Variants in GRID2 observed in about 807,000 individuals in gnomAD.
GRID2 encodes glutamate ionotropic receptor delta type subunit 2, also known as glutamate receptor ionotropic, delta-2.
GRID2 carries 33 observed loss-of-function variants against 114.8 expected under a neutral mutation model. The ratio of observed to expected loss-of-function variants is 0.29; its 90% CI spans 0.22 to 0.38. The LOEUF (loss-of-function observed/expected upper bound fraction) is 0.38, where lower values mean the gene tolerates loss of function less well. Ranked by LOEUF, GRID2 falls within the 10% of genes least tolerant of loss-of-function variation. The pLI is 1.00. For synonymous variants in GRID2, 505 were observed against 449.9 expected, an observed-to-expected ratio of 1.12 and a Z score of -1.55; for missense variants, 1,184 against 1,257.7, an observed-to-expected ratio of 0.94 and a Z score of 0.89.
rs1369473376 is a variant in GRID2, at chr4:92,874,110, G to A, written c.245-210885G>A. ...AGAAAGGAGCAGGAACTGATAAAGGGACCCTTCTCACTTGGAAACCCTCAA... is the reference window on the plus strand; with the variant it reads ...AGAAAGGAGCAGGAACTGATAAAGGAACCCTTCTCACTTGGAAACCCTCAA... On this transcript the variant is annotated intron_variant, in intron 2 of 15. Transcript: ENST00000282020. Among the ~76,000 whole-genome samples the A allele has an allele frequency of 2.0e-5, 3 of 152,104 alleles. No individual in the cohort carries two copies. The East Asian group carries it at 5.8e-4, about 29-fold the overall frequency.
chr4:92,720,039 T>C lies in GRID2; in HGVS notation c.244+129753T>C, dbSNP rs115677924. Among the ~76,000 whole-genome samples the C allele has an allele frequency of 3.4e-3, 517 of 152,214 alleles. 1 individual carries two copies. The highest frequency in any genetic ancestry group is 5.5e-3 in the Non-Finnish European group (371 of 67,986). ...AATTAAGTGATAACATAAATACATA[T>C]ATTAAGAATTGATTCTTCAGCTTTC... On this transcript the variant is annotated intron_variant, in intron 2 of 15. Transcript: ENST00000282020.
At chr4:93,749,989 T>C (rs1271041632) in intron 14 of GRID2, among the ~76,000 whole-genome samples, 1 of 152,224 alleles carries the variant, frequency 6.6e-6, no homozygotes, top group Admixed American at 6.5e-5. Context: ...GCTCAATAAA[T>C]GTGAGACATG....
chr4:92,370,693 T>A lies in GRID2; in HGVS notation c.88+65949T>A, dbSNP rs78233099. Among the ~76,000 whole-genome samples the A allele has an allele frequency of 7.2e-5, 11 of 152,246 alleles. No individual in the cohort carries two copies. In the East Asian group the frequency reaches 1.9e-3, roughly 27 times the overall value. ...ACATCTTTCATTTTCAATCAAAAGCTAAAAGAGAGTAAGCTTAGTGAGGAA... is the reference window on the plus strand; with the variant it reads ...ACATCTTTCATTTTCAATCAAAAGCAAAAAGAGAGTAAGCTTAGTGAGGAA... On this transcript the variant is annotated intron_variant, in intron 1 of 15. Coordinates refer to ENST00000282020, the MANE Select transcript of GRID2 (RefSeq NM_001510.4).
intron 2 of GRID2, among the ~76,000 whole-genome samples, chr4:92,876,592 A>C (rs1330906511): frequency 1.3e-5 from 2 of 152,194 alleles, no homozygotes; most frequent in African/African-American, 4.8e-5. Flanking sequence ...GGCGTGAGCC[A>C]CCGCACCCGG....
At position 93,001,659 on chromosome 4, in the gene GRID2, A is replaced by G. The variant is rs138320709; in HGVS notation, c.245-83336A>G. Among the ~76,000 whole-genome samples, 558 of 151,858 alleles carry G rather than the reference A, an allele frequency of 3.7e-3. 5 individuals carry two copies. The highest frequency in any genetic ancestry group is 5.2e-3 in the Non-Finnish European group (351 of 67,734). On this transcript the variant is annotated intron_variant, in intron 2 of 15. Coordinates refer to ENST00000282020, the MANE Select transcript of GRID2 (RefSeq NM_001510.4). ...TTGTATTGAAACATTTAATATCCAA[A>G]TGAATGATGGTCATGGGTTAAAGGA... is the stretch of plus-strand genomic sequence containing the variant.
intron 1 of GRID2, among the ~76,000 whole-genome samples, chr4:92,473,821 T>A (rs1722158661): frequency 6.6e-6 from 1 of 151,952 alleles, no homozygotes; most frequent in Non-Finnish European, 1.5e-5. Flanking sequence ...GTGTTTAAGT[T>A]TTTCAGCTTT....
chr4:92,568,405 G>A (rs371301013), intron 1 of GRID2, among the ~76,000 whole-genome samples: 1 of 151,914 alleles, frequency 6.6e-6, no homozygotes, highest in Admixed American at 6.6e-5. Flanking sequence ...ACAATCTTTT[G>A]TCTCCCCATG....
intron 4 of GRID2, among the ~76,000 whole-genome samples, chr4:93,114,351 C>T (rs1733043074): frequency 6.6e-6 from 1 of 152,150 alleles, no homozygotes; most frequent in African/African-American, 2.4e-5. Context: ...CCTTGTCCCC[C>T]AACCTTGACC....
intron 11 of GRID2, among the ~76,000 whole-genome samples, chr4:93,460,382 A>G (rs952643164): frequency 6.6e-6 from 1 of 152,090 alleles, no homozygotes; most frequent in East Asian, 1.9e-4. Context: ...TGCTCTTTCC[A>G]ATTCCTTGAG....
chr4:93,001,478 GA>G (rs1458108172), intron 2 of GRID2, among the ~76,000 whole-genome samples: 1 of 151,668 alleles, frequency 6.6e-6, no homozygotes, highest in Non-Finnish European at 1.5e-5. Context: ...CTATCTGCTA[GA>G]ACTTGCTACT....
chr4:93,064,345 T>C (rs1413100348), intron 2 of GRID2, among the ~76,000 whole-genome samples: 3 of 151,756 alleles, frequency 2.0e-5, no homozygotes, highest in Non-Finnish European at 4.4e-5. Flanking sequence ...GACCTACTGC[T>C]TGGAGCTTTG....
intron 2 of GRID2, among the ~76,000 whole-genome samples, chr4:92,740,832 C>T (rs1040403448): frequency 7.2e-5 from 11 of 152,052 alleles, no homozygotes; most frequent in East Asian, 1.9e-4. Context: ...CTGCAACCTC[C>T]GCCTCCTGGG....
intron 8 of GRID2, among the ~76,000 whole-genome samples, chr4:93,281,873 A>G (rs912995331): frequency 6.6e-6 from 1 of 152,032 alleles, no homozygotes; most frequent in Non-Finnish European, 1.5e-5. Context: ...ACAACCCTCT[A>G]GAAAATTAAC....
intron 2 of GRID2, among the ~76,000 whole-genome samples, chr4:92,849,548 GC>G (rs1298849079): frequency 6.6e-6 from 1 of 151,830 alleles, no homozygotes; most frequent in African/African-American, 2.4e-5. Flanking sequence ...AAACAGTTGT[GC>G]TTTTCTTTGA....
rs531383155 is a variant in GRID2 at position 93,408,571 on chromosome 4, C to A, written c.1347+12863C>A. ...CTCCGTTTAATTTTTTATATATGTG[C>A]TAATAATTAATTCAGTACTACAGTC... is the stretch of plus-strand genomic sequence containing the variant. On this transcript the variant is annotated intron_variant, in intron 9 of 15. Transcript: ENST00000282020. Among the ~76,000 whole-genome samples, 60 of 152,064 alleles carry A rather than the reference C, an allele frequency of 3.9e-4. 2 individuals carry two copies. The South Asian group carries it at 0.012, about 31-fold the overall frequency.
chr4:92,956,829 G>T lies in GRID2; in HGVS notation c.245-128166G>T, dbSNP rs753555865. On this transcript the variant is annotated intron_variant, in intron 2 of 15. Coordinates refer to ENST00000282020, the MANE Select transcript of GRID2 (RefSeq NM_001510.4). Reference sequence around the variant, plus strand: ...CTCCCCAGCATTTGGTATTATCAGCGTTCTGGATTTGGCTATTCTAATAGG... The same window carrying T: ...CTCCCCAGCATTTGGTATTATCAGCTTTCTGGATTTGGCTATTCTAATAGG... 2.6e-5 allele frequency among the ~76,000 whole-genome samples: 4 copies of T among 152,104 alleles called. No homozygotes were observed. In the East Asian group the frequency reaches 7.7e-4, roughly 29 times the overall value.
In GRID2 at chr4:93,224,640, G is replaced by A. The variant is rs750295354; in HGVS notation, c.990G>A (p.Thr330=). Residue 330 remains threonine, a synonymous_variant, in exon 7 of 16, where the codon ACG becomes ACA. Transcript: ENST00000282020. ...MEISNLYIYD[T]VLLLANAFHK... is the part of the protein sequence containing the mutation. ...TTTCCAACCTTTACATATATGACACGGTGCTTCTGCTTGCTAATGCTTTTC... is the reference window on the plus strand; with the variant it reads ...TTTCCAACCTTTACATATATGACACAGTGCTTCTGCTTGCTAATGCTTTTC... 11 of 1,610,360 alleles carry A rather than the reference G, an allele frequency of 6.8e-6. No individual in the cohort carries two copies. Among genetic ancestry groups the A allele is most frequent in the East Asian group, 6.7e-5 (3 of 44,814 alleles).
intron 2 of GRID2, among the ~76,000 whole-genome samples, chr4:92,984,286 A>T (rs183512144): frequency 6.6e-5 from 10 of 152,366 alleles, no homozygotes; most frequent in Admixed American, 6.5e-4. Flanking sequence ...GTCTTTGAAC[A>T]GAAACAGAAA....
At chr4:93,499,364 C>A (rs1727875117) in intron 12 of GRID2, among the ~76,000 whole-genome samples, 1 of 151,908 alleles carries the variant, frequency 6.6e-6, no homozygotes, top group African/African-American at 2.4e-5. Context: ...TCAAAATTGG[C>A]TTGAAAAACT....
Sources: gnomAD v4.1 joint callset for allele counts (sites outside exome capture counted in the v4.1 genomes callset) on GRCh38, gnomAD v4.1.1 for gene constraint, MANE v1.5 for transcripts, NCBI Gene and HGNC (gene_info 2026-07-23, HGNC 2026-07-21) for gene names.